FSIP1: variants seen among roughly 807,000 people sequenced by gnomAD.
FSIP1 encodes the protein fibrous sheath interacting protein 1, also known as fibrous sheath-interacting protein 1.
A neutral mutation model predicts 60.9 loss-of-function variants in FSIP1; 65 were observed. The observed-to-expected ratio is 1.07, with a 90% CI of 0.87 to 1.31. The LOEUF is 1.31. Ranked by LOEUF, FSIP1 falls within the 40% of genes most tolerant of loss-of-function variation. The probability of loss-of-function intolerance (pLI) is 0.00; values close to 1 mark genes in which losing one functional copy is unlikely to be tolerated. For synonymous variants in FSIP1, 209 were observed against 221.2 expected (o/e 0.94, Z 0.49); for missense variants, 675 against 665.5 (o/e 1.01, Z -0.16).
At chr15:39,702,892 C>G (rs1022268894) in intron 10 of FSIP1, among the ~76,000 whole-genome samples, 1 of 151,222 alleles carries the variant, frequency 6.6e-6, no homozygotes. Context: ...CCTAACTAGT[C>G]GTATTACCTA....
At chr15:39,771,471 A>G (rs1263253307) in intron 2 of FSIP1, among the ~76,000 whole-genome samples, 1 of 152,212 alleles carries the variant, frequency 6.6e-6, no homozygotes, top group African/African-American at 2.4e-5. Context: ...AGGGTGGAAG[A>G]TGGACAGTGC....
chr15:39,602,327 C>G, intron 11 of FSIP1: 1 of 456,198 alleles, frequency 2.2e-6, no homozygotes, highest in Non-Finnish European at 4.4e-6. Flanking sequence ...AGCATGGAAG[C>G]GTTCTAGCGT....
chr15:39,719,417 T>C (rs919487810), intron 9 of FSIP1, among the ~76,000 whole-genome samples: 18 of 152,216 alleles, frequency 1.2e-4, no homozygotes, highest in Non-Finnish European at 2.4e-4. Context: ...AATAGATACT[T>C]GTTGATTTGA....
rs551061277 is a variant in FSIP1, at chr15:39,720,901, A to G, written c.1050+5688T>C. On this transcript the variant is annotated intron_variant, in intron 9 of 11. Transcript: ENST00000350221. The stretch of plus-strand genomic sequence containing the variant: ...AAGACAAAATGAAAATAAAAAGCAG[A>G]TGTAAAAACTGCAACCACATATTAT... Among the ~76,000 whole-genome samples the G allele has an allele frequency of 3.9e-5, 6 of 152,382 alleles. No homozygotes were observed. In the East Asian group the frequency reaches 1.2e-3, roughly 29 times the overall value.
chr15:39,771,523 T>A (rs1475328861), intron 2 of FSIP1, among the ~76,000 whole-genome samples: 1 of 152,166 alleles, frequency 6.6e-6, no homozygotes, highest in African/African-American at 2.4e-5. Context: ...CGTGAGTATG[T>A]CCCTGCCTGA....
intron 10 of FSIP1, among the ~76,000 whole-genome samples, chr15:39,640,751 G>T (rs1225570565): frequency 3.3e-5 from 5 of 149,842 alleles, no homozygotes; most frequent in African/African-American, 1.2e-4. Flanking sequence ...AAATGGAAAT[G>T]ACATACAGAA....
chr15:39,773,759 G>A (rs571651312), intron 2 of FSIP1, among the ~76,000 whole-genome samples: 16 of 152,276 alleles, frequency 1.1e-4, no homozygotes, highest in African/African-American at 2.6e-4. Flanking sequence ...AAAAGCCAGC[G>A]TGAAAAGCTA....
intron 10 of FSIP1, among the ~76,000 whole-genome samples, chr15:39,630,567 T>C (rs903847766): frequency 1.3e-4 from 20 of 152,204 alleles, no homozygotes; most frequent in African/African-American, 4.6e-4. Flanking sequence ...CTGGACCATC[T>C]ACTATGCACC....
chr15:39,706,892 A>C (rs1372082039), intron 10 of FSIP1, among the ~76,000 whole-genome samples: 2 of 152,220 alleles, frequency 1.3e-5, no homozygotes, highest in African/African-American at 4.8e-5. Context: ...TCTATCACAG[A>C]CATCTTTTCA....
chr15:39,721,628 T>A (rs190848016), intron 9 of FSIP1, among the ~76,000 whole-genome samples: 1 of 152,346 alleles, frequency 6.6e-6, no homozygotes, highest in African/African-American at 2.4e-5. Flanking sequence ...CAAAAATGTA[T>A]TGACGATCTC....
chr15:39,698,814 T>G (rs1490580817), intron 10 of FSIP1, among the ~76,000 whole-genome samples: 1 of 152,246 alleles, frequency 6.6e-6, no homozygotes, highest in Non-Finnish European at 1.5e-5. Flanking sequence ...CCAGGAGGAA[T>G]GTTAACCATT....
At chr15:39,658,451 C>G (rs12899753) in intron 10 of FSIP1, among the ~76,000 whole-genome samples, 113,357 of 151,500 alleles carry the variant, frequency 0.75, 43,776 homozygotes, top group Non-Finnish European at 0.87. Context: ...GTTTTCACCA[C>G]GTTGGCCAGG....
chr15:39,724,314 C>T lies in FSIP1; in HGVS notation c.1050+2275G>A, dbSNP rs533167735. 7.9e-5 allele frequency among the ~76,000 whole-genome samples: 12 copies of T among 151,346 alleles called. No homozygotes were observed. In the South Asian group the frequency reaches 2.1e-3, roughly 26 times the overall value. On this transcript the variant is annotated intron_variant, in intron 9 of 11. Coordinates refer to ENST00000350221, the MANE Select transcript of FSIP1 (RefSeq NM_152597.5). ...GTCGCCCAGGCTGCAGTGCATGGCA[C>T]GATCTTGGCTCACTGCAAGCTCTGC...
chr15:39,743,066 T>C (rs1449976172), intron 5 of FSIP1, among the ~76,000 whole-genome samples: 1 of 152,236 alleles, frequency 6.6e-6, no homozygotes, highest in African/African-American at 2.4e-5. Context: ...ATTATCAGTT[T>C]AAGTTACATT....
chr15:39,610,617 G>T (rs759710681), intron 11 of FSIP1, among the ~76,000 whole-genome samples: 1 of 152,188 alleles, frequency 6.6e-6, no homozygotes, highest in African/African-American at 2.4e-5. Context: ...AGTGAGCCAG[G>T]ATCATGCCAC....
intron 8 of FSIP1, among the ~76,000 whole-genome samples, chr15:39,735,992 C>T (rs1595677019): frequency 1.3e-5 from 2 of 152,300 alleles, no homozygotes; most frequent in South Asian, 4.1e-4. Context: ...ATAACAATGC[C>T]TGCTTCTGAA....
At chr15:39,644,279 T>C (rs979528973) in intron 10 of FSIP1, among the ~76,000 whole-genome samples, 4 of 152,338 alleles carry the variant, frequency 2.6e-5, no homozygotes, top group Admixed American at 2.0e-4. Context: ...AACTTCCAGC[T>C]GCCCGGCCGA....
At chr15:39,757,877 G>A (rs1474899426) in intron 5 of FSIP1, among the ~76,000 whole-genome samples, 2 of 152,018 alleles carry the variant, frequency 1.3e-5, no homozygotes, top group Non-Finnish European at 2.9e-5. Flanking sequence ...TTCCTTTTAC[G>A]TTGACCCTAC....
In FSIP1 at chr15:39,763,821, C is replaced by G. The variant is rs761469824; in HGVS notation, c.559G>C (p.Gly187Arg). The change falls in exon 5 of 12, where the codon GGT (glycine) becomes CGT (arginine). Residue 187 changes from glycine to arginine, a missense_variant and splice_region_variant. Gly to Arg is a moderately radical substitution (Grantham distance 125). Coordinates refer to ENST00000350221, the MANE Select transcript of FSIP1 (RefSeq NM_152597.5). ...SLTAVSEETV[G>R]PSHEEEDTFS... is the part of the protein sequence containing the mutation. ...TTGAATGACATCTCCATCTACTCAC[C>G]AACAGTTTCTTCAGAAACAGCAGTC... is the stretch of plus-strand genomic sequence containing the variant. The G allele has an allele frequency of 4.0e-6, 6 of 1,496,928 alleles. No individual in the cohort carries two copies. The Admixed American group carries it at 5.1e-5, about 13-fold the overall frequency. The allele number at this position is 1,496,928 out of a possible 1,614,324, so 92.7% of individuals were successfully genotyped here. A position where few individuals can be genotyped will look rare whatever the true frequency, so the allele number is the denominator to read the frequency against.
Sources: allele counts gnomAD v4.1 joint callset (sites outside exome capture counted in the v4.1 genomes callset), GRCh38; gene constraint gnomAD v4.1.1; transcripts MANE v1.5; gene names NCBI Gene and HGNC (gene_info 2026-07-23, HGNC 2026-07-21).